The following COL26A1 variants were observed in gnomAD, a reference collection of about 807,000 sequenced individuals.
COL26A1 encodes the protein collagen type XXVI alpha 1 chain.
COL26A1 carries 41 observed loss-of-function variants against 59.3 expected under a neutral mutation model. That is an observed-to-expected ratio of 0.69 (90% CI 0.54 to 0.90). The LOEUF (loss-of-function observed/expected upper bound fraction) is 0.90, where lower values mean the gene tolerates loss of function less well. COL26A1 is among the 40% of genes least tolerant of loss of function. The pLI is 0.00. For missense variants in COL26A1, 612 were observed against 602.3 expected, an observed-to-expected ratio of 1.02 and a Z score of -0.17; for synonymous variants, 266 against 256.0, an observed-to-expected ratio of 1.04 and a Z score of -0.37.
intron 1 of COL26A1, among the ~76,000 whole-genome samples, chr7:101,368,788 C>T (rs117888110): frequency 0.011 from 1,619 of 152,178 alleles, 17 homozygotes; most frequent in Non-Finnish European, 0.017. Flanking sequence ...AGTCAAGTCC[C>T]GCCTCCTACT....
At chr7:101,442,160 G>C (rs530299855) in intron 2 of COL26A1, among the ~76,000 whole-genome samples, 68 of 146,926 alleles carry the variant, frequency 4.6e-4, no homozygotes, top group Admixed American at 1.1e-3. Flanking sequence ...GGTGGACTCT[G>C]TAGTTTTTCT....
intron 3 of COL26A1, among the ~76,000 whole-genome samples, chr7:101,493,264 A>G (rs1428329945): frequency 4.2e-5 from 5 of 118,832 alleles, no homozygotes; most frequent in African/African-American, 1.7e-4. Flanking sequence ...CGCCCACTCT[A>G]TCAGACTGGC....
intron 3 of COL26A1, among the ~76,000 whole-genome samples, chr7:101,465,934 G>A (rs1176779183): frequency 6.6e-6 from 1 of 152,170 alleles, no homozygotes; most frequent in African/African-American, 2.4e-5. Context: ...CAAGGGTGCC[G>A]TGGCACTGCA....
chr7:101,535,585 G>C (rs1439766881), intron 4 of COL26A1, among the ~76,000 whole-genome samples: 6 of 152,194 alleles, frequency 3.9e-5, no homozygotes, highest in Non-Finnish European at 2.9e-5. Flanking sequence ...CCAGCAGCAG[G>C]CCCGGGGCAG....
intron 6 of COL26A1, among the ~76,000 whole-genome samples, chr7:101,544,528 C>CTTTTTT (rs58206894): frequency 2.0e-5 from 2 of 98,636 alleles, no homozygotes; most frequent in African/African-American, 4.8e-5. Context: ...CCTCACCTGG[C>CTTTTTT]TTTTTTTTTT....
intron 3 of COL26A1, among the ~76,000 whole-genome samples, chr7:101,508,517 CAAAAAA>C (rs58872805): frequency 7.8e-6 from 1 of 127,630 alleles, no homozygotes; most frequent in Admixed American, 7.9e-5. Flanking sequence ...AAAACCCTGT[CAAAAAA>C]AAAAAAAAGA....
chr7:101,507,183 G>A (rs1463100749), intron 3 of COL26A1, among the ~76,000 whole-genome samples: 1 of 152,132 alleles, frequency 6.6e-6, no homozygotes, highest in African/African-American at 2.4e-5. Context: ...CCAAAGTACT[G>A]GGATTACAGA....
intron 3 of COL26A1, among the ~76,000 whole-genome samples, chr7:101,502,207 T>A (rs1359087599): frequency 1.3e-5 from 2 of 152,150 alleles, no homozygotes; most frequent in Admixed American, 6.6e-5. Flanking sequence ...CTGAGCATGG[T>A]GCCACATGCC....
chr7:101,451,066 C>A (rs1793325366), intron 3 of COL26A1, among the ~76,000 whole-genome samples: 1 of 137,978 alleles, frequency 7.2e-6, no homozygotes. Flanking sequence ...ATATATATTC[C>A]AGTAACATAT....
chr7:101,535,366 G>T (rs950590403), intron 4 of COL26A1, among the ~76,000 whole-genome samples: 2 of 152,162 alleles, frequency 1.3e-5, no homozygotes, highest in Non-Finnish European at 2.9e-5. Context: ...TCCTAGTACC[G>T]GAAGCCTCTG....
intron 3 of COL26A1, among the ~76,000 whole-genome samples, chr7:101,525,518 A>T (rs1795225796): frequency 7.6e-6 from 1 of 131,722 alleles, no homozygotes; most frequent in South Asian, 2.3e-4. Flanking sequence ...TTTTTTTGAG[A>T]TGGAGTCTCT....
intron 3 of COL26A1, among the ~76,000 whole-genome samples, chr7:101,506,430 T>C (rs1189504400): frequency 2.0e-5 from 3 of 152,262 alleles, no homozygotes; most frequent in Non-Finnish European, 2.9e-5. Flanking sequence ...ATGAAAGAGC[T>C]GGTGGGGGCC....
chr7:101,376,016 C>G (rs1309847616), intron 1 of COL26A1, among the ~76,000 whole-genome samples: 3 of 147,304 alleles, frequency 2.0e-5, no homozygotes, highest in Non-Finnish European at 4.5e-5. Context: ...AGAAAATTAG[C>G]CAGGCACGGT....
In COL26A1 at chr7:101,362,903, G is replaced by C; in HGVS notation, c.-130G>C. 1.1e-6 allele frequency: 1 copy of C among 946,420 alleles called. No homozygotes were observed. The highest frequency in any genetic ancestry group is 3.1e-5 in the East Asian group (1 of 31,950). 58.6% of individuals were successfully genotyped at this position (946,420 alleles called of 1,614,324 possible). A position where few individuals can be genotyped will look rare whatever the true frequency, so the allele number is the denominator to read the frequency against. ...CCCCACACATTTCCAGCTCGCACCC[G>C]GGCTCCGACCGCTCGCCCCGCTCCT... On this transcript the variant is annotated 5_prime_UTR_variant, in exon 1 of 13. Coordinates refer to ENST00000313669, the MANE Select transcript of COL26A1 (RefSeq NM_001278563.3).
intron 3 of COL26A1, among the ~76,000 whole-genome samples, chr7:101,524,446 A>T (rs2130617955): frequency 6.6e-6 from 1 of 152,312 alleles, no homozygotes; most frequent in Middle Eastern, 3.4e-3. Flanking sequence ...TAGACCTGAC[A>T]TGTTTGATGT....
intron 2 of COL26A1, among the ~76,000 whole-genome samples, chr7:101,430,544 T>G (rs557116135): frequency 2.0e-4 from 30 of 147,014 alleles, no homozygotes; most frequent in African/African-American, 8.1e-4. Context: ...CTGCCTCAGC[T>G]TCCCAAAGTG....
intron 10 of COL26A1, 62 bp downstream of exon 10, chr7:101,551,205 C>T: frequency 1.2e-6 from 1 of 838,706 alleles, no homozygotes; most frequent in Non-Finnish European, 1.7e-6. Flanking sequence ...GATGCAAGCC[C>T]AGGGCACTGG....
At chr7:101,466,570 G>C (rs962209754) in intron 3 of COL26A1, among the ~76,000 whole-genome samples, 1 of 152,072 alleles carries the variant, frequency 6.6e-6, no homozygotes, top group Non-Finnish European at 1.5e-5. Context: ...ATGGTGGTGT[G>C]CACCTGCTAC....
intron 3 of COL26A1, among the ~76,000 whole-genome samples, chr7:101,454,478 C>T (rs1380688365): frequency 1.3e-5 from 2 of 152,002 alleles, no homozygotes; most frequent in Non-Finnish European, 2.9e-5. Flanking sequence ...AGGTTGGTCT[C>T]GAACTCCTGA....
Sources: allele counts gnomAD v4.1 joint callset (sites outside exome capture counted in the v4.1 genomes callset), GRCh38; gene constraint gnomAD v4.1.1; transcripts MANE v1.5; gene names NCBI Gene and HGNC (gene_info 2026-07-23, HGNC 2026-07-21).